IQGAP2: variants seen among roughly 807,000 people sequenced by gnomAD.
The protein encoded by IQGAP2 is IQ motif containing GTPase activating protein 2, also known as ras GTPase-activating-like protein IQGAP2.
Under a neutral mutation model 201.3 loss-of-function variants are expected in IQGAP2, and 173 were observed. The ratio of observed to expected loss-of-function variants is 0.86; its 90% confidence interval spans 0.76 to 0.98. The LOEUF is 0.98. Ranked by LOEUF, IQGAP2 falls within the 50% of genes least tolerant of loss-of-function variation. The pLI is 0.00. For synonymous variants in IQGAP2, 675 were observed against 673.9 expected (o/e 1.00, Z -0.03); for missense variants, 1,687 against 1,864.8 (o/e 0.90, Z 1.76).
intron 25 of IQGAP2, 139 bp downstream of exon 25, chr5:76,673,728 T>C (rs1248522123): frequency 1.1e-6 from 1 of 939,130 alleles, no homozygotes; most frequent in Non-Finnish European, 1.6e-6. Context: ...TACATTTACC[T>C]TTTAAATTCC....
At chr5:76,702,669 C>T in intron 35 of IQGAP2, 79 bp downstream of exon 35, 1 of 623,534 alleles carries the variant, frequency 1.6e-6, no homozygotes, top group Non-Finnish European at 2.9e-6. Context: ...TCTCTCTCTT[C>T]AGGACAACAA....
At chr5:76,431,007 T>C (rs1580174657) in intron 1 of IQGAP2, among the ~76,000 whole-genome samples, 1 of 152,276 alleles carries the variant, frequency 6.6e-6, no homozygotes, top group South Asian at 2.1e-4. Context: ...GTCCAAGATC[T>C]GTTAAGTGAA....
At chr5:76,525,233 T>TTG (rs1758903227) in intron 2 of IQGAP2, among the ~76,000 whole-genome samples, 1 of 152,246 alleles carries the variant, frequency 6.6e-6, no homozygotes, top group African/African-American at 2.4e-5. Flanking sequence ...TTTTAACCAG[T>TTG]TGTGCCATTG....
intron 26 of IQGAP2, 22 bp from the exon 27 acceptor site, chr5:76,674,455 A>T: frequency 6.9e-7 from 1 of 1,454,884 alleles, no homozygotes; most frequent in East Asian, 2.3e-5. Flanking sequence ...AAAAATGGTC[A>T]TGCACTTCTG....
At chr5:76,504,041 C>A (rs1306079643) in intron 2 of IQGAP2, among the ~76,000 whole-genome samples, 1 of 152,190 alleles carries the variant, frequency 6.6e-6, no homozygotes, top group Admixed American at 6.5e-5. Context: ...AAATGCCCTG[C>A]TAAAGCTGCT....
At chr5:76,419,677 T>TC (rs1165535477) in intron 1 of IQGAP2, among the ~76,000 whole-genome samples, 2 of 151,546 alleles carry the variant, frequency 1.3e-5, no homozygotes, top group Non-Finnish European at 2.9e-5. Flanking sequence ...TCTTTTCTTT[T>TC]TTTTTTTTTG....
intron 2 of IQGAP2, among the ~76,000 whole-genome samples, chr5:76,516,021 G>A (rs553223563): frequency 4.0e-5 from 6 of 151,818 alleles, no homozygotes; most frequent in East Asian, 1.9e-4. Context: ...GGGACTATGC[G>A]TGTGCCACCA....
chr5:76,534,641 G>A (rs1185894467), intron 2 of IQGAP2, among the ~76,000 whole-genome samples: 1 of 152,150 alleles, frequency 6.6e-6, no homozygotes, highest in African/African-American at 2.4e-5. Context: ...CAAGCTGTTT[G>A]GGAATGTTGT....
At chr5:76,583,541 A>C (rs151213613) in intron 5 of IQGAP2, among the ~76,000 whole-genome samples, 1 of 152,332 alleles carries the variant, frequency 6.6e-6, no homozygotes, top group Non-Finnish European at 1.5e-5. Context: ...GATATATGCA[A>C]ATGAGATCTT....
intron 15 of IQGAP2, among the ~76,000 whole-genome samples, chr5:76,635,678 C>CA (rs34480088): frequency 1.3e-5 from 2 of 151,934 alleles, no homozygotes; most frequent in African/African-American, 2.4e-5. Context: ...CCCATCTCTA[C>CA]AAAAAAATAC....
intron 5 of IQGAP2, among the ~76,000 whole-genome samples, chr5:76,585,761 G>A (rs1490585000): frequency 6.6e-6 from 1 of 152,128 alleles, no homozygotes; most frequent in African/African-American, 2.4e-5. Context: ...TGATTTGCCT[G>A]CCTCGGCCTC....
Position 76,701,182 on chromosome 5 carries a change from C to CTGCTAGAT in IQGAP2, c.4475_4482dup (p.Ile1495CysfsTer2), listed in dbSNP as rs1747352892. 6.2e-7 allele frequency: 1 copy of CTGCTAGAT among 1,614,054 alleles called. No individual in the cohort carries two copies. Among genetic ancestry groups the CTGCTAGAT allele is most frequent in the African/African-American group, 1.3e-5 (1 of 74,946 alleles). On this transcript the variant is annotated frameshift_variant, in exon 34 of 36. Transcript: ENST00000274364. LOFTEE classifies it high-confidence loss of function. ...AGCAAAGCTGCATGAGAAAGGTGTC[C>CTGCTAGAT]TGCTAGATATAGATGATCTTCAAAC...
At chr5:76,440,965 A>G (rs186444138) in intron 1 of IQGAP2, among the ~76,000 whole-genome samples, 1 of 151,366 alleles carries the variant, frequency 6.6e-6, no homozygotes, top group East Asian at 2.0e-4. Context: ...CAGGAGGTGA[A>G]GGTTGCAGTG....
At chr5:76,615,853 A>C (rs1748910990) in intron 13 of IQGAP2, 1 of 152,640 alleles carries the variant, frequency 6.6e-6, no homozygotes, top group African/African-American at 2.4e-5. Context: ...TGGCCTGGTG[A>C]GTATAGTCTT....
intron 20 of IQGAP2, among the ~76,000 whole-genome samples, chr5:76,656,896 TAA>T (rs3839253): frequency 0.62 from 94,058 of 150,814 alleles, 29,515 homozygotes; most frequent in South Asian, 0.82. Context: ...TTTTCTAATT[TAA>T]AAAAAAAAAT....
intron 10 of IQGAP2, among the ~76,000 whole-genome samples, chr5:76,598,419 T>C (rs1747186766): frequency 6.6e-6 from 1 of 151,786 alleles, no homozygotes; most frequent in African/African-American, 2.4e-5. Context: ...GCCAAAAACA[T>C]GAGCAGGCAA....
chr5:76,567,017 A>C (rs1744798001), intron 3 of IQGAP2, among the ~76,000 whole-genome samples: 1 of 152,122 alleles, frequency 6.6e-6, no homozygotes, highest in Non-Finnish European at 1.5e-5. Flanking sequence ...AGGTTCAAAG[A>C]TGAATAGTAC....
intron 11 of IQGAP2, among the ~76,000 whole-genome samples, chr5:76,603,060 C>G (rs1242944746): frequency 6.6e-6 from 1 of 152,156 alleles, no homozygotes; most frequent in Non-Finnish European, 1.5e-5. Flanking sequence ...TGTTCACATC[C>G]GAATTAAGAA....
chr5:76,458,367 C>T (rs1467503506), intron 1 of IQGAP2, among the ~76,000 whole-genome samples: 2 of 152,110 alleles, frequency 1.3e-5, no homozygotes, highest in Non-Finnish European at 2.9e-5. Flanking sequence ...CTTTAAATGA[C>T]AGTGTTATTA....
Sources: gnomAD v4.1 joint callset for allele counts (sites outside exome capture counted in the v4.1 genomes callset) on GRCh38, gnomAD v4.1.1 for gene constraint, MANE v1.5 for transcripts, NCBI Gene and HGNC (gene_info 2026-07-23, HGNC 2026-07-21) for gene names.